Variants in NEK11 observed in about 807,000 individuals in gnomAD.
NEK11 encodes the protein serine/threonine-protein kinase Nek11.
Under a neutral mutation model 80.7 loss-of-function variants are expected in NEK11, and 72 were observed. The ratio of observed to expected loss-of-function variants is 0.89; its 90% CI spans 0.74 to 1.08. The LOEUF is 1.08. Among genes scored for constraint, NEK11 ranks in the 50% least tolerant of loss-of-function variants. The probability of loss-of-function intolerance (pLI) is 0.00; values close to 1 mark genes in which losing one functional copy is unlikely to be tolerated. For synonymous variants in NEK11, 251 were observed against 260.7 expected (o/e 0.96, Z 0.36); for missense variants, 764 against 763.6 (o/e 1.00, Z -0.01).
intron 7 of NEK11, among the ~76,000 whole-genome samples, chr3:131,148,744 GATAT>G (rs5852616): frequency 1.6e-4 from 24 of 148,924 alleles, no homozygotes; most frequent in African/African-American, 1.7e-4. Flanking sequence ...GTTTGTTACA[GATAT>G]ATATATATAT....
intron 3 of NEK11, among the ~76,000 whole-genome samples, chr3:131,054,174 A>C (rs2068926746): frequency 6.6e-6 from 1 of 152,114 alleles, no homozygotes; most frequent in African/African-American, 2.4e-5. Flanking sequence ...AACATGGCAA[A>C]ACCCCATCTC....
intron 4 of NEK11, among the ~76,000 whole-genome samples, chr3:131,095,677 T>C (rs373165884): frequency 5.9e-5 from 9 of 152,182 alleles, no homozygotes; most frequent in African/African-American, 1.9e-4. Flanking sequence ...ACTTATTATT[T>C]GACAATGCTT....
chr3:131,273,392 C>T, intron 16 of NEK11, 86 bp from the exon 17 acceptor site: 1 of 945,452 alleles, frequency 1.1e-6, no homozygotes, highest in Non-Finnish European at 1.7e-6. Flanking sequence ...GGTGGATTAG[C>T]TTCTGTTTTC....
chr3:131,242,281 G>A (rs2095531566), intron 15 of NEK11, among the ~76,000 whole-genome samples: 1 of 152,092 alleles, frequency 6.6e-6, no homozygotes, highest in South Asian at 2.1e-4. Context: ...GGCTATGGAG[G>A]AAGGAGACTT....
intron 5 of NEK11, among the ~76,000 whole-genome samples, chr3:131,122,502 G>A (rs1247409271): frequency 6.6e-6 from 1 of 152,238 alleles, no homozygotes; most frequent in Non-Finnish European, 1.5e-5. Context: ...AAGAAAGGCA[G>A]GTGCCTCAGT....
At chr3:131,315,839 G>T (rs1561508793) in intron 17 of NEK11, among the ~76,000 whole-genome samples, 1 of 151,974 alleles carries the variant, frequency 6.6e-6, no homozygotes, top group African/African-American at 2.4e-5. Context: ...AGTTTGCTGA[G>T]GATAATAGCT....
At chr3:131,321,382 C>T (rs2096895661) in intron 17 of NEK11, among the ~76,000 whole-genome samples, 1 of 152,084 alleles carries the variant, frequency 6.6e-6, no homozygotes, top group South Asian at 2.1e-4. Context: ...AATGTAAGAC[C>T]TCAAACTGTA....
At chr3:131,193,130 T>C (rs1485982524) in intron 14 of NEK11, among the ~76,000 whole-genome samples, 4 of 152,188 alleles carry the variant, frequency 2.6e-5, no homozygotes. Context: ...ATACTTATCA[T>C]GAAAGTTAAC....
chr3:131,124,750 G>C (rs992835872), intron 5 of NEK11, among the ~76,000 whole-genome samples: 2 of 152,180 alleles, frequency 1.3e-5, no homozygotes, highest in African/African-American at 4.8e-5. Flanking sequence ...GTACAGCATA[G>C]GTCTAGGTAT....
At chr3:131,161,728 G>A (rs1387386276) in intron 10 of NEK11, among the ~76,000 whole-genome samples, 1 of 152,068 alleles carries the variant, frequency 6.6e-6, no homozygotes, top group African/African-American at 2.4e-5. Context: ...AATAACTAAT[G>A]GGTACTAGGC....
chr3:131,099,465 C>T (rs1339008534), intron 4 of NEK11, among the ~76,000 whole-genome samples: 2 of 152,094 alleles, frequency 1.3e-5, no homozygotes, highest in African/African-American at 4.8e-5. Context: ...TTTTTGGTTC[C>T]ATATGAATGT....
chr3:131,029,482 T>G (rs2064462372), intron 2 of NEK11, 131 bp from the exon 3 acceptor site: 1 of 366,860 alleles, frequency 2.7e-6, no homozygotes, highest in Non-Finnish European at 4.9e-6. Context: ...CTTTTAACAT[T>G]TTTTTTCAAG....
At chr3:131,215,284 G>C (rs1052794225) in intron 14 of NEK11, among the ~76,000 whole-genome samples, 2 of 114,130 alleles carry the variant, frequency 1.8e-5, no homozygotes. Context: ...GGGGCGGGGG[G>C]AGGGGGAAGG....
At chr3:131,155,754 G>A (rs1479114181) in intron 10 of NEK11, among the ~76,000 whole-genome samples, 1 of 152,154 alleles carries the variant, frequency 6.6e-6, no homozygotes, top group African/African-American at 2.4e-5. Flanking sequence ...TACAGGAGGT[G>A]TGCAGGACAG....
At chr3:131,348,519 T>G (rs1367431414) in intron 17 of NEK11, among the ~76,000 whole-genome samples, 1 of 151,684 alleles carries the variant, frequency 6.6e-6, no homozygotes, top group Non-Finnish European at 1.5e-5. Flanking sequence ...AGGCCCCACA[T>G]AAAGACATTC....
intron 17 of NEK11, among the ~76,000 whole-genome samples, chr3:131,334,176 C>T (rs1270079759): frequency 6.6e-6 from 1 of 152,186 alleles, no homozygotes; most frequent in East Asian, 1.9e-4. Context: ...TTTTTTTCAG[C>T]ACCACACCAC....
At chr3:131,080,397 G>GT in intron 3 of NEK11, 26 bp from the exon 4 acceptor site, 1 of 1,554,258 alleles carries the variant, frequency 6.4e-7, no homozygotes, top group Non-Finnish European at 8.8e-7. Flanking sequence ...AGCTCTAAAT[G>GT]TTTTTAAAAT....
chr3:131,040,995 C>T (rs1487040631), intron 3 of NEK11, among the ~76,000 whole-genome samples: 1 of 152,214 alleles, frequency 6.6e-6, no homozygotes, highest in Non-Finnish European at 1.5e-5. Context: ...AGATTTGTGG[C>T]CCCACAGCCC....
intron 14 of NEK11, among the ~76,000 whole-genome samples, chr3:131,221,202 G>A (rs560555802): frequency 1.3e-5 from 2 of 152,150 alleles, no homozygotes; most frequent in South Asian, 4.1e-4. Flanking sequence ...TGGTAAGCAG[G>A]ATGGGTGTGG....
Sources: allele counts gnomAD v4.1 joint callset (sites outside exome capture counted in the v4.1 genomes callset), GRCh38; gene constraint gnomAD v4.1.1; transcripts MANE v1.5; gene names NCBI Gene and HGNC (gene_info 2026-07-23, HGNC 2026-07-21).